Variants in SCUBE2 observed in about 807,000 individuals in gnomAD.
SCUBE2 encodes signal peptide, CUB and EGF-like domain-containing protein 2.
In SCUBE2, 114 loss-of-function variants were observed where a neutral mutation model predicts 125.9. The ratio of observed to expected loss-of-function variants is 0.91; its 90% confidence interval spans 0.78 to 1.06. The LOEUF is 1.06. Among genes scored for constraint, SCUBE2 ranks in the 50% least tolerant of loss-of-function variants. The probability of loss-of-function intolerance (pLI) is 0.00; values close to 1 mark genes in which losing one functional copy is unlikely to be tolerated. For synonymous variants in SCUBE2, 459 were observed against 492.9 expected (o/e 0.93, Z 0.91); for missense variants, 1,255 against 1,301.8 (o/e 0.96, Z 0.55).
chr11:9,074,680 G>T, intron 3 of SCUBE2, 65 bp from the exon 4 acceptor site: 1 of 1,583,068 alleles, frequency 6.3e-7, no homozygotes, highest in Non-Finnish European at 8.7e-7. Flanking sequence ...TCACCCAGCA[G>T]CTCAGGGGCC....
At chr11:9,031,710 C>G (rs944740732) in intron 17 of SCUBE2, among the ~76,000 whole-genome samples, 2 of 151,998 alleles carry the variant, frequency 1.3e-5, no homozygotes, top group Admixed American at 1.3e-4. Context: ...CATGTTATAC[C>G]TGGGACAAGA....
chr11:9,057,077 C>T (rs2135534650), intron 9 of SCUBE2, among the ~76,000 whole-genome samples: 1 of 152,280 alleles, frequency 6.6e-6, no homozygotes, highest in African/African-American at 2.4e-5. Context: ...TAGTTTCTTC[C>T]CTAGGAATTG....
intron 3 of SCUBE2, among the ~76,000 whole-genome samples, chr11:9,077,123 C>T (rs1250396710): frequency 2.6e-5 from 4 of 152,138 alleles, no homozygotes; most frequent in African/African-American, 4.8e-5. Flanking sequence ...TGTCCACGTA[C>T]GCAAATATCT....
At chr11:9,066,282 G>T (rs1452734452) in intron 6 of SCUBE2, among the ~76,000 whole-genome samples, 1 of 152,212 alleles carries the variant, frequency 6.6e-6, no homozygotes, top group Non-Finnish European at 1.5e-5. Flanking sequence ...CTTGGGCCTG[G>T]AAACCTCTAA....
intron 13 of SCUBE2, 83 bp from the exon 14 acceptor site, chr11:9,050,793 T>C (rs1043104302): frequency 4.6e-6 from 5 of 1,084,568 alleles, no homozygotes; most frequent in Non-Finnish European, 7.1e-6. Flanking sequence ...AGCTGTCCAT[T>C]GGTGGCTTCC....
intron 10 of SCUBE2, among the ~76,000 whole-genome samples, chr11:9,054,725 A>ATATATATATATATTTTT (rs1368153935): frequency 2.7e-4 from 6 of 22,346 alleles, no homozygotes; most frequent in Non-Finnish European, 3.5e-4. Flanking sequence ...ATATATATAT[A>ATATATATATATATTTTT]TTTTTTTTTT....
At chr11:9,070,985 G>A (rs949331235) in intron 4 of SCUBE2, among the ~76,000 whole-genome samples, 10 of 152,182 alleles carry the variant, frequency 6.6e-5, no homozygotes, top group African/African-American at 1.9e-4. Flanking sequence ...CACTGGATTG[G>A]TGGAAAGCTT....
In SCUBE2 at chr11:9,033,748, A is replaced by G. The variant is rs973480468; in HGVS notation, c.2051T>C (p.Ile684Thr). 6.2e-7 allele frequency: 1 copy of G among 1,614,138 alleles called. No individual in the cohort carries two copies. Among genetic ancestry groups the G allele is most frequent in the African/African-American group, 1.3e-5 (1 of 75,040 alleles). Residue 684 changes from isoleucine to threonine, a missense_variant, in exon 17 of 23, where the codon ATT (isoleucine) becomes ACT (threonine). Around this residue, in one of 3 missense-constraint regions of SCUBE2, gnomAD observed 515 missense variants for 515.7 expected, o/e 1.00. Transcript: ENST00000649792. ...TYYDGARERCILCPNGTFQNE... is the reference protein window; with the variant it reads ...TYYDGARERCTLCPNGTFQNE... ...TTGGAAGGTTCCATTTGGACATAAA[A>G]TGCAGCGTTCTCGTGCTCCATCATA...
chr11:9,089,817 C>T lies in SCUBE2; in HGVS notation c.146G>A (p.Cys49Tyr). The T allele has an allele frequency of 6.2e-7, 1 of 1,613,726 alleles. No individual in the cohort carries two copies. The highest frequency in any genetic ancestry group is 1.7e-4 in the Middle Eastern group (1 of 6,060). ...AAGPQEDVDE[C>Y]AQGLDDCHAD... ...ATGGCAGTCATCTAGCCCTTGGGCACACTCATCTACATCTGCAAAAGAGCA... is the reference window on the plus strand; with the variant it reads ...ATGGCAGTCATCTAGCCCTTGGGCATACTCATCTACATCTGCAAAAGAGCA... The change falls in exon 2 of 23, where the codon TGT becomes TAT. Residue 49 changes from cysteine (C) to tyrosine (Y), a missense_variant. Cys to Tyr is a radical substitution (Grantham distance 194). Coordinates refer to ENST00000649792, the MANE Select transcript of SCUBE2 (RefSeq NM_001367977.2).
In SCUBE2 at chr11:9,037,171, G is replaced by A. The variant is rs75280202; in HGVS notation, c.2003-3375C>T. ...TGGCCTGCAGAGACCTCAATCACAC[G>A]TTCCAGTGGCTTCTCTCTTCTCCTT... On this transcript the variant is annotated intron_variant, in intron 16 of 22. Transcript: ENST00000649792. 3.0e-4 allele frequency among the ~76,000 whole-genome samples: 45 copies of A among 152,322 alleles called. No homozygotes were observed. The East Asian group carries it at 8.1e-3, about 27-fold the overall frequency.
At chr11:9,048,158 T>C (rs1857994248) in intron 14 of SCUBE2, 60 bp from the exon 15 acceptor site, 2 of 1,520,730 alleles carry the variant, frequency 1.3e-6, no homozygotes, top group South Asian at 1.2e-5. Context: ...AGCTGAACAT[T>C]TGCTAGAGCT....
At chr11:9,042,575 GCT>G (rs1857355927) in intron 16 of SCUBE2, among the ~76,000 whole-genome samples, 1 of 152,032 alleles carries the variant, frequency 6.6e-6, no homozygotes, top group Non-Finnish European at 1.5e-5. Flanking sequence ...CCTTTCTCAT[GCT>G]CTCTCAAGAG....
At chr11:9,069,648 C>G (rs1201380942) in intron 4 of SCUBE2, among the ~76,000 whole-genome samples, 153 bp from the exon 5 acceptor site, 1 of 152,210 alleles carries the variant, frequency 6.6e-6, no homozygotes, top group Non-Finnish European at 1.5e-5. Flanking sequence ...TAAAGTCAAC[C>G]TAGGCCAATT....
At chr11:9,044,338 G>A (rs1020092042) in intron 16 of SCUBE2, among the ~76,000 whole-genome samples, 2 of 152,152 alleles carry the variant, frequency 1.3e-5, no homozygotes, top group African/African-American at 4.8e-5. Flanking sequence ...CTGCAGCCTC[G>A]AACTCCTGGA....
At chr11:9,065,159 A>ATT (rs1860088116) in intron 7 of SCUBE2, 1 of 152,034 alleles carries the variant, frequency 6.6e-6, no homozygotes, top group Non-Finnish European at 1.5e-5. Context: ...ACCTTTCCAT[A>ATT]TTATTATCTT....
At chr11:9,087,513 G>A (rs966222964) in intron 2 of SCUBE2, among the ~76,000 whole-genome samples, 4 of 152,170 alleles carry the variant, frequency 2.6e-5, no homozygotes, top group Non-Finnish European at 2.9e-5. Context: ...TGACATGGCA[G>A]GGGGAGGGGG....
chr11:9,071,005 C>T (rs1860746407), intron 4 of SCUBE2, among the ~76,000 whole-genome samples: 1 of 152,220 alleles, frequency 6.6e-6, no homozygotes, highest in Non-Finnish European at 1.5e-5. Flanking sequence ...TTCTCTTGCT[C>T]TGGCTGGTAA....
chr11:9,090,489 A>ATTTTTTTTTT (rs138136231), intron 1 of SCUBE2: 1 of 141,898 alleles, frequency 7.0e-6, no homozygotes, highest in African/African-American at 2.6e-5. Flanking sequence ...TTATTTATTT[A>ATTTTTTTTTT]TTTTTTTTTT....
intron 17 of SCUBE2, among the ~76,000 whole-genome samples, chr11:9,032,519 A>T (rs1047801225): frequency 4.6e-5 from 7 of 152,290 alleles, no homozygotes; most frequent in African/African-American, 1.7e-4. Flanking sequence ...GGATCACCTG[A>T]GGTCAGGAGT....
Sources: gnomAD v4.1 joint callset for allele counts (sites outside exome capture counted in the v4.1 genomes callset) on GRCh38, gnomAD v4.1.1 for gene constraint, gnomAD v4.1.1 regional missense constraint, MANE v1.5 for transcripts, NCBI Gene and HGNC (gene_info 2026-07-23, HGNC 2026-07-21) for gene names.